The following FOXP1 variants were observed in gnomAD, a reference collection of about 807,000 sequenced individuals.
The protein encoded by FOXP1 is forkhead box P1, also known as forkhead box protein P1.
A neutral mutation model predicts 98.2 loss-of-function variants in FOXP1; 15 were observed. That is an observed-to-expected ratio of 0.15 (90% confidence interval 0.10 to 0.24). FOXP1 has a LOEUF of 0.24. Ranked by LOEUF, FOXP1 falls within the 10% of genes least tolerant of loss-of-function variation. FOXP1 has a pLI of 1.00. For missense variants in FOXP1, 633 were observed against 848.5 expected (o/e 0.75, Z 3.15); for synonymous variants, 371 against 314.5 (o/e 1.18, Z -1.90).
chr3:71,007,234 T>G (rs1458929584), intron 12 of FOXP1, among the ~76,000 whole-genome samples: 1 of 152,196 alleles, frequency 6.6e-6, no homozygotes, highest in Non-Finnish European at 1.5e-5. Flanking sequence ...CAAAGACTTG[T>G]CACCTCAGAT....
intron 2 of FOXP1, among the ~76,000 whole-genome samples, chr3:71,518,226 C>A (rs926105372): frequency 6.6e-6 from 1 of 151,960 alleles, no homozygotes; most frequent in African/African-American, 2.4e-5. Context: ...CCCAGCTGGA[C>A]CAAATGATCT....
intron 13 of FOXP1, among the ~76,000 whole-genome samples, chr3:70,989,621 T>C (rs575068335): frequency 1.6e-4 from 24 of 152,304 alleles, no homozygotes; most frequent in Non-Finnish European, 3.4e-4. Context: ...AGCTTTTTGA[T>C]GTCAAATACT....
At chr3:71,296,928 T>G (rs2073360592) in intron 5 of FOXP1, among the ~76,000 whole-genome samples, 1 of 152,198 alleles carries the variant, frequency 6.6e-6, no homozygotes, top group South Asian at 2.1e-4. Flanking sequence ...AAACCCCCTT[T>G]TGCCATGACT....
intron 2 of FOXP1, among the ~76,000 whole-genome samples, chr3:71,521,550 G>C (rs982484686): frequency 4.0e-5 from 6 of 151,412 alleles, no homozygotes; most frequent in East Asian, 1.9e-4. Context: ...CAGGGGGAGG[G>C]GGGGGACCTG....
chr3:71,581,510 G>C (rs945760297), intron 2 of FOXP1, 39 bp downstream of exon 2: 2 of 985,342 alleles, frequency 2.0e-6, no homozygotes, highest in Non-Finnish European at 2.4e-6. Context: ...GGGCTCTCCG[G>C]TGTCCCTGGA....
At chr3:71,331,485 G>T (rs1304484742) in intron 4 of FOXP1, among the ~76,000 whole-genome samples, 2 of 152,022 alleles carry the variant, frequency 1.3e-5, no homozygotes, top group Non-Finnish European at 2.9e-5. Flanking sequence ...GAGTGCGGGC[G>T]CACGGCGCGG....
At chr3:71,318,092 A>G (rs2075181611) in intron 4 of FOXP1, among the ~76,000 whole-genome samples, 1 of 152,160 alleles carries the variant, frequency 6.6e-6, no homozygotes, top group Non-Finnish European at 1.5e-5. Flanking sequence ...TAAGAAGAGT[A>G]AGTCATTTTT....
intron 2 of FOXP1, among the ~76,000 whole-genome samples, chr3:71,507,458 G>C (rs1320218849): frequency 2.6e-5 from 4 of 152,022 alleles, no homozygotes; most frequent in Admixed American, 6.6e-5. Context: ...TGATTCATAT[G>C]ATAATGAAAT....
chr3:71,222,253 C>T (rs188634971), intron 5 of FOXP1, among the ~76,000 whole-genome samples: 3 of 152,230 alleles, frequency 2.0e-5, no homozygotes, highest in South Asian at 2.1e-4. Flanking sequence ...AACACGCTGG[C>T]GGTCCCTGGA....
At chr3:71,327,964 G>A (rs1406575965) in intron 4 of FOXP1, among the ~76,000 whole-genome samples, 1 of 152,130 alleles carries the variant, frequency 6.6e-6, no homozygotes, top group Non-Finnish European at 1.5e-5. Context: ...CTCTACACAT[G>A]ACAGTAGGCC....
At chr3:71,554,164 A>C (rs965334528) in intron 2 of FOXP1, among the ~76,000 whole-genome samples, 2 of 152,156 alleles carry the variant, frequency 1.3e-5, no homozygotes, top group Admixed American at 6.5e-5. Flanking sequence ...CCTGGGTAAC[A>C]TAGCAAGACC....
chr3:71,490,516 G>A (rs1055135359), intron 3 of FOXP1, among the ~76,000 whole-genome samples: 1 of 151,596 alleles, frequency 6.6e-6, no homozygotes, highest in South Asian at 2.1e-4. Flanking sequence ...AAAAATGGGA[G>A]GAGAATAGAA....
intron 3 of FOXP1, among the ~76,000 whole-genome samples, chr3:71,404,076 G>T (rs1172082436): frequency 6.6e-6 from 1 of 151,296 alleles, no homozygotes; most frequent in Non-Finnish European, 1.5e-5. Flanking sequence ...GAGGGGATGG[G>T]CAATGGAGAT....
intron 7 of FOXP1, among the ~76,000 whole-genome samples, chr3:71,108,063 A>C (rs2057589795): frequency 6.6e-6 from 1 of 152,242 alleles, no homozygotes; most frequent in Non-Finnish European, 1.5e-5. Flanking sequence ...GGGCATGGGC[A>C]GGAAGGAAAA....
At chr3:71,131,039 G>A in intron 6 of FOXP1, 1 of 482,946 alleles carries the variant, frequency 2.1e-6, no homozygotes, top group Non-Finnish European at 2.7e-6. Context: ...ACATAGGCAG[G>A]ATGCTTTAAA....
At chr3:71,581,067 G>T (rs777192088) in intron 2 of FOXP1, 164 of 966,294 alleles carry the variant, frequency 1.7e-4, no homozygotes, top group Non-Finnish European at 2.0e-4. Context: ...GGCTTGTGGG[G>T]TGGGGAGGTA....
Position 70,977,247 on chromosome 3 carries a change from TTC to T in FOXP1, c.1429-207_1429-206del, listed in dbSNP as rs199606648. Among the ~76,000 whole-genome samples the T allele has an allele frequency of 6.2e-3, 947 of 152,364 alleles. 14 individuals are homozygous for T. Among genetic ancestry groups the T allele is most frequent in the African/African-American group, 0.021 (881 of 41,580 alleles). The stretch of plus-strand genomic sequence containing the variant: ...TTATCTAATTGTTTTGAGTTTTTAT[TTC>T]TGTTTCCGTACAGAAATATTAATTT... On this transcript the variant is annotated intron_variant, in intron 16 of 20. Coordinates refer to ENST00000649528, the MANE Select transcript of FOXP1 (RefSeq NM_001349338.3).
Position 71,013,528 on chromosome 3 carries a change from T to C in FOXP1, c.974+2021A>G, listed in dbSNP as rs187491050. On this transcript the variant is annotated intron_variant, in intron 12 of 20. Coordinates refer to ENST00000649528, the MANE Select transcript of FOXP1 (RefSeq NM_001349338.3). ...TACAAACAAATGGAAGAACATTCCA[T>C]GCTCATGGATAGGAAGAATCAGTAT... Among the ~76,000 whole-genome samples the C allele has an allele frequency of 2.8e-3, 421 of 152,318 alleles. 2 individuals carry two copies. Among genetic ancestry groups the C allele is most frequent in the Non-Finnish European group, 4.9e-3 (331 of 68,024 alleles).
intron 5 of FOXP1, among the ~76,000 whole-genome samples, chr3:71,277,743 T>C (rs2071065384): frequency 6.6e-6 from 1 of 151,740 alleles, no homozygotes; most frequent in South Asian, 2.1e-4. Context: ...TCATCTCAAC[T>C]AAACTGTTTA....
Sources: gnomAD v4.1 joint callset for allele counts (sites outside exome capture counted in the v4.1 genomes callset) on GRCh38, gnomAD v4.1.1 for gene constraint, MANE v1.5 for transcripts, NCBI Gene and HGNC (gene_info 2026-07-23, HGNC 2026-07-21) for gene names.